MARCHF1: variants seen among roughly 807,000 people sequenced by gnomAD.
The protein encoded by MARCHF1 is E3 ubiquitin-protein ligase MARCHF1.
In MARCHF1, 40 loss-of-function variants were observed where a neutral mutation model predicts 54.2. The ratio of observed to expected loss-of-function variants is 0.74; its 90% CI spans 0.57 to 0.96. MARCHF1 has a LOEUF of 0.96. Among genes scored for constraint, MARCHF1 ranks in the 40% least tolerant of loss-of-function variants. MARCHF1 has a pLI of 0.00. For synonymous variants in MARCHF1, 236 were observed against 236.3 expected, an observed-to-expected ratio of 1.00 and a Z score of 0.01; for missense variants, 586 against 656.5, an observed-to-expected ratio of 0.89 and a Z score of 1.17.
At chr4:163,959,644 C>T (rs1055608579) in intron 3 of MARCHF1, among the ~76,000 whole-genome samples, 7 of 151,760 alleles carry the variant, frequency 4.6e-5, no homozygotes, top group Non-Finnish European at 7.4e-5. Context: ...CCCTTCCTTA[C>T]GCTATATAAA....
intron 2 of MARCHF1, among the ~76,000 whole-genome samples, chr4:164,073,785 T>G (rs1754918426): frequency 6.6e-6 from 1 of 152,066 alleles, no homozygotes; most frequent in Admixed American, 6.5e-5. Context: ...GAAAGTTTTT[T>G]TTTTGTTGCT....
chr4:163,722,415 T>C (rs1489847206), intron 4 of MARCHF1, among the ~76,000 whole-genome samples: 5 of 152,198 alleles, frequency 3.3e-5, no homozygotes, highest in African/African-American at 9.7e-5. Flanking sequence ...TAATTTCTGT[T>C]CTTTTACATC....
chr4:164,017,476 A>T (rs1247767813), intron 2 of MARCHF1, among the ~76,000 whole-genome samples: 1 of 152,042 alleles, frequency 6.6e-6, no homozygotes, highest in African/African-American at 2.4e-5. Flanking sequence ...AAATTACACA[A>T]TTGAAAACCA....
intron 4 of MARCHF1, among the ~76,000 whole-genome samples, chr4:163,719,653 T>C (rs1282722522): frequency 1.3e-5 from 2 of 151,886 alleles, no homozygotes; most frequent in African/African-American, 4.9e-5. Context: ...ACCAACAGTG[T>C]AAAAGTGTTC....
At chr4:164,223,910 T>C (rs1413197596) in intron 1 of MARCHF1, among the ~76,000 whole-genome samples, 1 of 150,022 alleles carries the variant, frequency 6.7e-6, no homozygotes, top group Non-Finnish European at 1.5e-5. Flanking sequence ...ATTTGTGCAA[T>C]TGTTACATTT....
intron 3 of MARCHF1, among the ~76,000 whole-genome samples, chr4:163,855,072 T>C (rs1043225138): frequency 2.0e-5 from 3 of 152,172 alleles, no homozygotes; most frequent in African/African-American, 7.2e-5. Context: ...ATTTATAACA[T>C]TTCAGAGATT....
chr4:164,000,325 A>G (rs1753161890), intron 2 of MARCHF1, among the ~76,000 whole-genome samples: 1 of 151,782 alleles, frequency 6.6e-6, no homozygotes, highest in African/African-American at 2.4e-5. Context: ...TTGAAATGAA[A>G]AGATAAGTGT....
intron 2 of MARCHF1, among the ~76,000 whole-genome samples, chr4:164,081,904 T>C (rs1156397585): frequency 6.6e-6 from 1 of 152,184 alleles, no homozygotes; most frequent in African/African-American, 2.4e-5. Flanking sequence ...TCTACATTAA[T>C]AGTCATCTTG....
chr4:163,901,739 GT>G (rs34452850), intron 3 of MARCHF1, among the ~76,000 whole-genome samples: 3 of 152,164 alleles, frequency 2.0e-5, no homozygotes, highest in Non-Finnish European at 4.4e-5. Context: ...GATATTCAGA[GT>G]TTTTGCAAAA....
At chr4:163,790,259 A>G (rs1305295554) in intron 4 of MARCHF1, among the ~76,000 whole-genome samples, 1 of 152,132 alleles carries the variant, frequency 6.6e-6, no homozygotes, top group Admixed American at 6.6e-5. Flanking sequence ...ATCTTTCCCA[A>G]AAAGTCACGT....
intron 1 of MARCHF1, among the ~76,000 whole-genome samples, chr4:164,378,491 T>C (rs1035452300): frequency 2.0e-5 from 3 of 152,334 alleles, no homozygotes; most frequent in Non-Finnish European, 4.4e-5. Context: ...TGTCCTGGCT[T>C]GTGTTGAGGG....
At chr4:164,084,774 C>T (rs2111120096) in intron 2 of MARCHF1, among the ~76,000 whole-genome samples, 1 of 151,794 alleles carries the variant, frequency 6.6e-6, no homozygotes, top group South Asian at 2.1e-4. Context: ...TATTTCATGG[C>T]TCTTTATTGT....
chr4:163,648,743 A>G lies in MARCHF1; in HGVS notation c.163-35350T>C, dbSNP rs541585629. ...AATAACAGCGTATATATAAAATTACAACTCTAGTATTAAATAGCAGTTCAA... is the reference window on the plus strand; with the variant it reads ...AATAACAGCGTATATATAAAATTACGACTCTAGTATTAAATAGCAGTTCAA... On this transcript the variant is annotated intron_variant, in intron 5 of 9. Coordinates refer to ENST00000514618, the MANE Select transcript of MARCHF1 (RefSeq NM_001394959.1). 3.0e-4 allele frequency among the ~76,000 whole-genome samples: 46 copies of G among 152,014 alleles called. 1 individual carries two copies. The South Asian group carries it at 8.9e-3, about 29-fold the overall frequency.
intron 3 of MARCHF1, among the ~76,000 whole-genome samples, chr4:163,914,717 T>C (rs1028788466): frequency 3.9e-5 from 6 of 152,160 alleles, no homozygotes; most frequent in African/African-American, 1.2e-4. Flanking sequence ...TTGTTTTTGT[T>C]TTTATTTTGA....
chr4:164,015,599 A>G (rs1753522874), intron 2 of MARCHF1, among the ~76,000 whole-genome samples: 2 of 152,316 alleles, frequency 1.3e-5, no homozygotes, highest in South Asian at 4.1e-4. Context: ...GATCTCAAAC[A>G]ACTCAATAGC....
At chr4:164,185,063 G>T (rs1050396975) in intron 1 of MARCHF1, among the ~76,000 whole-genome samples, 1 of 152,074 alleles carries the variant, frequency 6.6e-6, no homozygotes, top group African/African-American at 2.4e-5. Context: ...TTAAAAATGT[G>T]CATTAACAAT....
chr4:163,965,584 A>C (rs527772642), intron 3 of MARCHF1, among the ~76,000 whole-genome samples: 1 of 152,196 alleles, frequency 6.6e-6, no homozygotes, highest in East Asian at 1.9e-4. Context: ...TCAAGGACCC[A>C]GACTTATCTC....
chr4:163,892,917 A>G (rs1321174780), intron 3 of MARCHF1, among the ~76,000 whole-genome samples: 2 of 152,166 alleles, frequency 1.3e-5, no homozygotes, highest in Non-Finnish European at 2.9e-5. Flanking sequence ...CAGTTCCTTG[A>G]ACATATATTT....
chr4:163,733,413 G>GAA (rs201394705), intron 4 of MARCHF1, among the ~76,000 whole-genome samples: 1 of 133,556 alleles, frequency 7.5e-6, no homozygotes, highest in Non-Finnish European at 1.6e-5. Context: ...ATTTTTAAGG[G>GAA]AAAAAAAAAA....
Sources: allele counts gnomAD v4.1 joint callset (sites outside exome capture counted in the v4.1 genomes callset), GRCh38; gene constraint gnomAD v4.1.1; transcripts MANE v1.5; gene names NCBI Gene and HGNC (gene_info 2026-07-23, HGNC 2026-07-21).